Variants in GRIK1 observed in about 807,000 individuals in gnomAD.
GRIK1 encodes glutamate receptor ionotropic, kainate 1.
In GRIK1, 69 loss-of-function variants were observed where a neutral mutation model predicts 105.7. That is an observed-to-expected ratio of 0.65 (90% CI 0.54 to 0.80). The LOEUF is 0.80. GRIK1 is among the 30% of genes least tolerant of loss of function. The pLI is 0.00. For synonymous variants in GRIK1, 438 were observed against 431.3 expected (o/e 1.02, Z -0.19); for missense variants, 1,109 against 1,167.3 (o/e 0.95, Z 0.73).
At chr21:29,596,619 T>C (rs774304958) in intron 8 of GRIK1, 49 bp from the exon 9 acceptor site, 32 of 1,343,572 alleles carry the variant, frequency 2.4e-5, no homozygotes, top group Non-Finnish European at 3.4e-5. Context: ...TTAATTAAAA[T>C]GGAGCGTGAA....
intron 1 of GRIK1, among the ~76,000 whole-genome samples, chr21:29,742,072 C>T (rs917090661): frequency 7.9e-5 from 12 of 152,114 alleles, no homozygotes; most frequent in African/African-American, 2.4e-4. Flanking sequence ...TAACCATATG[C>T]CTTCAAATAA....
chr21:29,913,178 A>G (rs2070877754), intron 1 of GRIK1, among the ~76,000 whole-genome samples: 1 of 152,022 alleles, frequency 6.6e-6, no homozygotes, highest in Non-Finnish European at 1.5e-5. Context: ...TGAGAGAAAG[A>G]TGGGTTCGAG....
chr21:29,936,635 C>T (rs897072563), intron 1 of GRIK1, among the ~76,000 whole-genome samples: 2 of 152,172 alleles, frequency 1.3e-5, no homozygotes, highest in Admixed American at 6.5e-5. Flanking sequence ...ACTATCCTAC[C>T]GACCTTCTCT....
In GRIK1 at chr21:29,860,995, C is replaced by A. The variant is rs144256330; in HGVS notation, c.118+78388G>T. Reference sequence around the variant, plus strand: ...GAATATATTATAAAATTCATTTCATCTGGTTTTTTTTTTTAACTTCTTTCA... The same window carrying A: ...GAATATATTATAAAATTCATTTCATATGGTTTTTTTTTTTAACTTCTTTCA... On this transcript the variant is annotated intron_variant, in intron 1 of 17. Coordinates refer to ENST00000327783, the MANE Select transcript of GRIK1 (RefSeq NM_001330994.2). Among the ~76,000 whole-genome samples, 175 of 151,110 alleles carry A rather than the reference C, an allele frequency of 1.2e-3. 1 individual carries two copies. The highest frequency in any genetic ancestry group is 3.8e-3 in the African/African-American group (156 of 41,068).
intron 14 of GRIK1, among the ~76,000 whole-genome samples, chr21:29,569,520 A>C (rs1363834291): frequency 6.6e-6 from 1 of 152,192 alleles, no homozygotes; most frequent in Non-Finnish European, 1.5e-5. Flanking sequence ...TGTAGGTTTT[A>C]CTTTATATCC....
chr21:29,822,415 GCAGA>G (rs2067329945), intron 1 of GRIK1, among the ~76,000 whole-genome samples: 1 of 151,942 alleles, frequency 6.6e-6, no homozygotes, highest in South Asian at 2.1e-4. Context: ...CATGACTTTA[GCAGA>G]CAATTCTACT....
Position 29,560,279 on chromosome 21 carries a change from T to TTTTCTTTCTTTCTTTC in GRIK1, c.2356+1329_2356+1344dup, listed in dbSNP as rs56295343. Among the ~76,000 whole-genome samples, 53 of 69,950 alleles carry TTTTCTTTCTTTCTTTC rather than the reference T, an allele frequency of 7.6e-4. 2 individuals are homozygous for TTTTCTTTCTTTCTTTC. The highest frequency in any genetic ancestry group is 7.7e-3 in the Middle Eastern group (1 of 130). The allele number at this position is 69,950 out of a possible 152,430, so 45.9% of individuals were successfully genotyped here. A position where few individuals can be genotyped will look rare whatever the true frequency, so the allele number is the denominator to read the frequency against. On this transcript the variant is annotated intron_variant, in intron 15 of 17. Coordinates refer to ENST00000327783, the MANE Select transcript of GRIK1 (RefSeq NM_001330994.2). ...TATACCAGGACCTTATATGATACAG[T>TTTTCTTTCTTTCTTTC]TTTCTTTCTTTCTTTCTTTCTTTCT...
At chr21:29,584,189 G>A (rs909576917) in intron 12 of GRIK1, among the ~76,000 whole-genome samples, 26 of 152,216 alleles carry the variant, frequency 1.7e-4, no homozygotes, top group Non-Finnish European at 1.2e-4. Context: ...ATGCACAGTA[G>A]GCTGCATTGA....
intron 1 of GRIK1, among the ~76,000 whole-genome samples, chr21:29,835,408 G>T (rs891752791): frequency 1.3e-5 from 2 of 152,236 alleles, no homozygotes; most frequent in Non-Finnish European, 2.9e-5. Context: ...AACTGGTCTT[G>T]TTTCTTTGTC....
intron 16 of GRIK1, among the ~76,000 whole-genome samples, chr21:29,541,133 A>G (rs997347610): frequency 7.9e-5 from 12 of 152,150 alleles, no homozygotes; most frequent in Admixed American, 2.6e-4. Context: ...ACACGCGGCT[A>G]ATTTTTGTAT....
intron 3 of GRIK1, among the ~76,000 whole-genome samples, chr21:29,680,588 G>T: frequency 6.6e-6 from 1 of 152,254 alleles, no homozygotes; most frequent in South Asian, 2.1e-4. Context: ...ACGGTCAGTC[G>T]TGGTGTAAAA....
At chr21:29,643,030 C>A in intron 6 of GRIK1, 61 bp from the exon 7 acceptor site, 2 of 1,476,844 alleles carry the variant, frequency 1.4e-6, no homozygotes, top group Non-Finnish European at 1.9e-6. Context: ...CCTTTACTTG[C>A]ATAATCACTC....
At chr21:29,769,515 T>G (rs1473221983) in intron 1 of GRIK1, among the ~76,000 whole-genome samples, 1 of 151,820 alleles carries the variant, frequency 6.6e-6, no homozygotes, top group Non-Finnish European at 1.5e-5. Flanking sequence ...TCATAAGGAG[T>G]GTGCAACCTA....
intron 1 of GRIK1, among the ~76,000 whole-genome samples, chr21:29,905,791 T>C (rs2070612590): frequency 6.6e-6 from 1 of 151,656 alleles, no homozygotes; most frequent in Non-Finnish European, 1.5e-5. Context: ...TACGCCCGGC[T>C]AATTTTTTGT....
chr21:29,659,543 G>A (rs148692685), intron 4 of GRIK1, among the ~76,000 whole-genome samples: 1 of 152,148 alleles, frequency 6.6e-6, no homozygotes, highest in Admixed American at 6.5e-5. Flanking sequence ...TATTGTAAAT[G>A]CTTTCTCCGT....
chr21:29,763,683 C>T (rs1252442713), intron 1 of GRIK1: 1 of 152,178 alleles, frequency 6.6e-6, no homozygotes, highest in Admixed American at 6.5e-5. Flanking sequence ...TTCCGAGCTC[C>T]CAAACCAAGG....
intron 14 of GRIK1, 21 bp downstream of exon 14, chr21:29,576,943 A>C: frequency 7.5e-7 from 1 of 1,328,056 alleles, no homozygotes. Context: ...AATCACTGAG[A>C]ACACTTTGTC....
chr21:29,819,377 A>G (rs369887031), intron 1 of GRIK1, among the ~76,000 whole-genome samples: 3 of 152,122 alleles, frequency 2.0e-5, no homozygotes, highest in East Asian at 3.9e-4. Flanking sequence ...CACAGTATTT[A>G]TGATAGACAC....
intron 1 of GRIK1, chr21:29,763,729 G>A (rs2065587606): frequency 6.6e-6 from 1 of 152,144 alleles, no homozygotes; most frequent in Admixed American, 6.5e-5. Flanking sequence ...GGGCATGCTG[G>A]GCTCCAGCCT....
Sources: allele counts gnomAD v4.1 joint callset (sites outside exome capture counted in the v4.1 genomes callset), GRCh38; gene constraint gnomAD v4.1.1; transcripts MANE v1.5; gene names NCBI Gene and HGNC (gene_info 2026-07-23, HGNC 2026-07-21).